Variants in ABLIM3 observed in about 807,000 individuals in gnomAD.
The protein encoded by ABLIM3 is actin binding LIM protein family member 3, also known as actin-binding LIM protein 3.
ABLIM3 carries 61 observed loss-of-function variants against 109.5 expected under a neutral mutation model. That is an observed-to-expected ratio of 0.56 (90% CI 0.45 to 0.69). The LOEUF is 0.69. ABLIM3 is among the 30% of genes least tolerant of loss of function. The probability of loss-of-function intolerance (pLI) is 0.00; values close to 1 mark genes in which losing one functional copy is unlikely to be tolerated. For missense variants in ABLIM3, 796 were observed against 889.5 expected, an observed-to-expected ratio of 0.89 and a Z score of 1.34; for synonymous variants, 300 against 324.8, an observed-to-expected ratio of 0.92 and a Z score of 0.82.
intron 7 of ABLIM3, among the ~76,000 whole-genome samples, chr5:149,212,329 G>A (rs898638330): frequency 3.3e-5 from 5 of 152,124 alleles, no homozygotes; most frequent in Non-Finnish European, 7.4e-5. Context: ...AGGGTTGTTG[G>A]GGGTGGGTTT....
intron 8 of ABLIM3, among the ~76,000 whole-genome samples, chr5:149,229,898 G>A (rs1172157677): frequency 6.6e-6 from 1 of 152,148 alleles, no homozygotes; most frequent in African/African-American, 2.4e-5. Flanking sequence ...ATAAAATGTG[G>A]GCGTTAGCAG....
intron 2 of ABLIM3, among the ~76,000 whole-genome samples, chr5:149,179,069 C>G (rs560529235): frequency 6.6e-6 from 1 of 152,290 alleles, no homozygotes; most frequent in African/African-American, 2.4e-5. Flanking sequence ...GTTCAACTCC[C>G]ATGCTCCTTT....
chr5:149,170,045 T>C (rs1276773185), intron 2 of ABLIM3, among the ~76,000 whole-genome samples: 2 of 152,286 alleles, frequency 1.3e-5, no homozygotes, highest in Admixed American at 6.5e-5. Flanking sequence ...ATTTGCGTCA[T>C]GGGGGTTCGT....
rs947957052 is a variant in ABLIM3 at position 149,237,472 on chromosome 5, A to G, written c.913A>G (p.Asn305Asp). 4 of 1,614,098 alleles carry G rather than the reference A, an allele frequency of 2.5e-6. No individual in the cohort carries two copies. The highest frequency in any genetic ancestry group is 3.3e-5 in the Admixed American group (2 of 60,018). Residue 305 changes from asparagine (N) to aspartate (D), a missense_variant, in exon 11 of 24, where the codon AAT (asparagine) becomes GAT (aspartate). Asn to Asp is a conservative substitution (Grantham distance 23, BLOSUM62 1). Coordinates refer to ENST00000309868, the MANE Select transcript of ABLIM3 (RefSeq NM_014945.5). ...ICAKVDNEILNYKDLAALPKV... is the reference protein window; with the variant it reads ...ICAKVDNEILDYKDLAALPKV... The stretch of plus-strand genomic sequence containing the variant: ...GGCTAAAGTGGATAATGAGATCCTT[A>G]ATTACAAAGACCTGGCGGCTCTCCC...
chr5:149,251,957 G>C (rs1041652617), intron 21 of ABLIM3, among the ~76,000 whole-genome samples: 1 of 152,114 alleles, frequency 6.6e-6, no homozygotes, highest in Non-Finnish European at 1.5e-5. Flanking sequence ...TATCTCTAAG[G>C]CCATTTTTTC....
At position 149,237,520 on chromosome 5, in the gene ABLIM3, G is replaced by A. The variant is rs1197850966; in HGVS notation, c.961G>A (p.Val321Ile). The change falls in exon 11 of 24, where the codon GTA becomes ATA. Residue 321 changes from valine to isoleucine, a missense_variant. Val to Ile is a conservative substitution (Grantham distance 29). Transcript: ENST00000309868. ...CCCCAAGGTTAAGTCTATCTACGAGGTACAACGCCCCGACCTCATTTCCTA... is the reference window on the plus strand; with the variant it reads ...CCCCAAGGTTAAGTCTATCTACGAGATACAACGCCCCGACCTCATTTCCTA... ...ALPKVKSIYEVQRPDLISYEP... is the reference protein window; with the variant it reads ...ALPKVKSIYEIQRPDLISYEP... 2 of 1,614,028 alleles carry A rather than the reference G, an allele frequency of 1.2e-6. No individual in the cohort carries two copies. Among genetic ancestry groups the A allele is most frequent in the African/African-American group, 1.3e-5 (1 of 74,900 alleles).
At chr5:149,176,207 T>C (rs979458764) in intron 2 of ABLIM3, among the ~76,000 whole-genome samples, 37 of 152,208 alleles carry the variant, frequency 2.4e-4, no homozygotes, top group African/African-American at 7.7e-4. Context: ...CCAGGGATGC[T>C]GCCCAAAGCT....
At chr5:149,176,034 C>T (rs1286570914) in intron 2 of ABLIM3, among the ~76,000 whole-genome samples, 1 of 152,182 alleles carries the variant, frequency 6.6e-6, no homozygotes, top group Non-Finnish European at 1.5e-5. Context: ...GTGTTACTGA[C>T]CTGCTGACAT....
intron 18 of ABLIM3, among the ~76,000 whole-genome samples, chr5:149,248,241 C>A (rs1489126360): frequency 1.3e-5 from 2 of 152,220 alleles, no homozygotes; most frequent in Non-Finnish European, 2.9e-5. Context: ...TAGCCCCAAA[C>A]CCTGCAATGC....
rs1372134184 is a variant in ABLIM3 at position 149,260,097 on chromosome 5, G to C, written c.*1693G>C. On this transcript the variant is annotated 3_prime_UTR_variant, in exon 24 of 24. Coordinates refer to ENST00000309868, the MANE Select transcript of ABLIM3 (RefSeq NM_014945.5). ...TGATGTTAATGAAAAGTCATATGCA[G>C]CTAGAGCAGACCCAGGAAAGCTTTC... The C allele has an allele frequency of 4.5e-5, 7 of 154,988 alleles. No individual in the cohort carries two copies. The highest frequency in any genetic ancestry group is 4.5e-4 in the Admixed American group (7 of 15,710). The allele number at this position is 154,988 out of a possible 1,614,324, so 9.6% of individuals were successfully genotyped here. A position where few individuals can be genotyped will look rare whatever the true frequency, so the allele number is the denominator to read the frequency against.
intron 2 of ABLIM3, chr5:149,174,497 C>T (rs565002334): frequency 1.3e-5 from 2 of 152,188 alleles, no homozygotes. Flanking sequence ...TCACTCATAG[C>T]ACAAAGACAA....
chr5:149,187,144 A>G (rs1165604880), intron 3 of ABLIM3, among the ~76,000 whole-genome samples: 1 of 152,222 alleles, frequency 6.6e-6, no homozygotes. Flanking sequence ...CTGGGGATAG[A>G]TAATAGAGAA....
At chr5:149,234,255 A>C in intron 10 of ABLIM3, among the ~76,000 whole-genome samples, 1 of 152,340 alleles carries the variant, frequency 6.6e-6, no homozygotes, top group Non-Finnish European at 1.5e-5. Context: ...AAGCTAAAGG[A>C]GGTGGGAAAC....
intron 2 of ABLIM3, among the ~76,000 whole-genome samples, chr5:149,183,077 C>T (rs1446438100): frequency 6.6e-6 from 1 of 152,176 alleles, no homozygotes; most frequent in Admixed American, 6.5e-5. Flanking sequence ...ATTGCAAGTC[C>T]CAAATTCCCT....
intron 8 of ABLIM3, chr5:149,217,609 C>G (rs1032348203): frequency 6.4e-6 from 1 of 155,936 alleles, no homozygotes; most frequent in African/African-American, 2.4e-5. Flanking sequence ...TACAACAGTC[C>G]CCTAATTAGT....
In ABLIM3 at chr5:149,258,647, T is replaced by G; in HGVS notation, c.*243T>G. 2 of 1,231,360 alleles carry G rather than the reference T, an allele frequency of 1.6e-6. No homozygotes were observed. Among genetic ancestry groups the G allele is most frequent in the Non-Finnish European group, 2.0e-6 (2 of 984,572 alleles). The allele number at this position is 1,231,360 out of a possible 1,614,324, so 76.3% of individuals were successfully genotyped here. A position where few individuals can be genotyped will look rare whatever the true frequency, so the allele number is the denominator to read the frequency against. ...ACTCTGTCCTTTTATTGGGGATCCTTTTTATACTGAAACATCTGTCCTAAC... is the reference window on the plus strand; with the variant it reads ...ACTCTGTCCTTTTATTGGGGATCCTGTTTATACTGAAACATCTGTCCTAAC... On this transcript the variant is annotated 3_prime_UTR_variant, in exon 24 of 24. Coordinates refer to ENST00000309868, the MANE Select transcript of ABLIM3 (RefSeq NM_014945.5).
Position 149,242,522 on chromosome 5 carries a change from G to A in ABLIM3, c.1335G>A (p.Pro445=), listed in dbSNP as rs61744926. The A allele has an allele frequency of 9.6e-3, 15,424 of 1,613,760 alleles. 88 individuals carry two copies. Among genetic ancestry groups the A allele is most frequent in the Middle Eastern group, 0.025 (149 of 6,060 alleles). The change falls in exon 15 of 24, where the codon CCG becomes CCA. Residue 445 remains proline (P), a synonymous_variant. Coordinates refer to ENST00000309868, the MANE Select transcript of ABLIM3 (RefSeq NM_014945.5). ...ACAGTAACATCTACCGGAAACCCCC[G>A]ATCTACAAACGGCATGGTATGGTCA... ...AGDSNIYRKP[P]IYKRHGDLST...
Position 149,210,728 on chromosome 5 carries a change from A to T in ABLIM3, c.578A>T (p.Asp193Val). ...CCTATGTGAACTTCTTCTTGCAGGG[A>T]TGGTGTTCCATACTGTGAGTCCGAC... ...VILTGEYISK[D>V]GVPYCESDYH... The change falls in exon 7 of 24, where the codon GAT (aspartate) becomes GTT (valine). Residue 193 changes from aspartate (D) to valine (V), a missense_variant and splice_region_variant. Coordinates refer to ENST00000309868, the MANE Select transcript of ABLIM3 (RefSeq NM_014945.5). 1 of 1,613,868 alleles carries T rather than the reference A, an allele frequency of 6.2e-7. No individual in the cohort carries two copies. The highest frequency in any genetic ancestry group is 8.5e-7 in the Non-Finnish European group (1 of 1,179,842).
At chr5:149,170,230 C>T (rs866073449) in intron 2 of ABLIM3, among the ~76,000 whole-genome samples, 4 of 132,792 alleles carry the variant, frequency 3.0e-5, no homozygotes, top group African/African-American at 9.9e-5. Flanking sequence ...GGTTCTGTTT[C>T]TCTCTCTCTC....
Sources: gnomAD v4.1 joint callset for allele counts (sites outside exome capture counted in the v4.1 genomes callset) on GRCh38, gnomAD v4.1.1 for gene constraint, MANE v1.5 for transcripts, NCBI Gene and HGNC (gene_info 2026-07-23, HGNC 2026-07-21) for gene names.